ZNF804B: variants seen among roughly 807,000 people sequenced by gnomAD.
ZNF804B encodes zinc finger protein 804B.
Under a neutral mutation model 101.4 loss-of-function variants are expected in ZNF804B, and 80 were observed. The observed-to-expected ratio is 0.79, with a 90% CI of 0.66 to 0.95. The LOEUF is 0.95. Among genes scored for constraint, ZNF804B ranks in the 40% least tolerant of loss-of-function variants. The pLI is 0.00. For missense variants in ZNF804B, 1,673 were observed against 1,561.9 expected, an observed-to-expected ratio of 1.07 and a Z score of -1.20; for synonymous variants, 622 against 558.8, an observed-to-expected ratio of 1.11 and a Z score of -1.59.
chr7:88,885,760 G>A (rs1222690006), intron 1 of ZNF804B, among the ~76,000 whole-genome samples: 1 of 151,020 alleles, frequency 6.6e-6, no homozygotes, highest in Admixed American at 6.6e-5. Flanking sequence ...TTGTGAAATC[G>A]ATAAAATATA....
rs141009045 is a variant in ZNF804B, at chr7:89,256,507, T to C, written c.249+38212T>C. ...CTGCAGTGAGCTGTGTTTGGGCCGCTGTATGCCAGCCTAGGCAACAGAGCA... is the reference window on the plus strand; with the variant it reads ...CTGCAGTGAGCTGTGTTTGGGCCGCCGTATGCCAGCCTAGGCAACAGAGCA... On this transcript the variant is annotated intron_variant, in intron 2 of 3. Coordinates refer to ENST00000333190, the MANE Select transcript of ZNF804B (RefSeq NM_181646.5). 1.3e-3 allele frequency among the ~76,000 whole-genome samples: 199 copies of C among 149,198 alleles called. 2 individuals carry two copies. The highest frequency in any genetic ancestry group is 4.9e-3 in the African/African-American group (197 of 40,180).
At chr7:89,243,181 C>CA (rs1268615663) in intron 2 of ZNF804B, among the ~76,000 whole-genome samples, 3 of 151,296 alleles carry the variant, frequency 2.0e-5, no homozygotes, top group East Asian at 1.9e-4. Flanking sequence ...CTTGATACTG[C>CA]AAAAAAATGG....
At chr7:88,817,712 G>A (rs1348196552) in intron 1 of ZNF804B, among the ~76,000 whole-genome samples, 2 of 151,948 alleles carry the variant, frequency 1.3e-5, no homozygotes, top group Non-Finnish European at 1.5e-5. Flanking sequence ...CAATATTATG[G>A]TACATTTTGT....
intron 2 of ZNF804B, among the ~76,000 whole-genome samples, chr7:89,259,012 T>C (rs1386541817): frequency 7.9e-5 from 12 of 152,136 alleles, no homozygotes; most frequent in Admixed American, 7.9e-4. Context: ...TAAAAAAATG[T>C]TTCTACAGTT....
At chr7:88,955,329 T>C (rs971516021) in intron 1 of ZNF804B, among the ~76,000 whole-genome samples, 6 of 151,530 alleles carry the variant, frequency 4.0e-5, no homozygotes, top group African/African-American at 1.5e-4. Context: ...AAAAGTATTA[T>C]TTTATCTACA....
chr7:88,889,457 C>G (rs1368866860), intron 1 of ZNF804B, among the ~76,000 whole-genome samples: 5 of 152,110 alleles, frequency 3.3e-5, no homozygotes, highest in Non-Finnish European at 4.4e-5. Context: ...TATTTTTTGA[C>G]TTTTTAATAA....
At chr7:89,048,688 G>A (rs1789152496) in intron 1 of ZNF804B, among the ~76,000 whole-genome samples, 1 of 151,938 alleles carries the variant, frequency 6.6e-6, no homozygotes, top group South Asian at 2.1e-4. Context: ...AAGAAATTAT[G>A]TAAAGATTAT....
chr7:89,135,893 G>A (rs1427939226), intron 1 of ZNF804B, among the ~76,000 whole-genome samples: 2 of 152,026 alleles, frequency 1.3e-5, no homozygotes, highest in Non-Finnish European at 1.5e-5. Flanking sequence ...AAACACATTT[G>A]AGACTGGTTA....
rs148901801 is a variant in ZNF804B at position 88,760,007 on chromosome 7, C to T, written c.31C>T (p.His11Tyr). MACYLVISSR[H>Y]LSNGHYRGIK... ...TTGTTACCTGGTCATCAGTTCGAGA[C>T]ATCTCAGCAATGGGCACTACCGGGG... Residue 11 changes from histidine to tyrosine, a missense_variant, in exon 1 of 4, where the codon CAT (histidine) becomes TAT (tyrosine). By Grantham distance (83) the His-to-Tyr change is moderately conservative. Transcript: ENST00000333190. 3.5e-5 allele frequency: 57 copies of T among 1,614,092 alleles called. No homozygotes were observed. Among genetic ancestry groups the T allele is most frequent in the Non-Finnish European group, 4.7e-5 (55 of 1,180,040 alleles).
At chr7:89,077,872 T>C (rs898324498) in intron 1 of ZNF804B, among the ~76,000 whole-genome samples, 8 of 152,222 alleles carry the variant, frequency 5.3e-5, no homozygotes, top group African/African-American at 1.9e-4. Flanking sequence ...TAAAAGTATT[T>C]CCAGAAAAAC....
At chr7:89,239,075 T>C (rs1040873162) in intron 2 of ZNF804B, among the ~76,000 whole-genome samples, 2 of 152,170 alleles carry the variant, frequency 1.3e-5, no homozygotes, top group South Asian at 2.1e-4. Flanking sequence ...ATAGCTATTG[T>C]CATTTGGGTT....
chr7:88,827,995 T>C (rs188808334), intron 1 of ZNF804B, among the ~76,000 whole-genome samples: 40 of 152,224 alleles, frequency 2.6e-4, no homozygotes, highest in African/African-American at 9.4e-4. Context: ...TTTTCCAAGC[T>C]CTTTTTTCTT....
chr7:89,247,964 G>C (rs1789476923), intron 2 of ZNF804B, among the ~76,000 whole-genome samples: 1 of 152,180 alleles, frequency 6.6e-6, no homozygotes, highest in Non-Finnish European at 1.5e-5. Context: ...ACAATGGAAA[G>C]CTTTATCAAT....
intron 1 of ZNF804B, among the ~76,000 whole-genome samples, chr7:88,929,955 C>A (rs886209176): frequency 6.6e-6 from 1 of 151,674 alleles, no homozygotes; most frequent in Non-Finnish European, 1.5e-5. Context: ...AAAAATGTAT[C>A]TTAAAAATTT....
chr7:89,048,432 A>G lies in ZNF804B; in HGVS notation c.109-169723A>G, dbSNP rs778001303. 1.6e-4 allele frequency among the ~76,000 whole-genome samples: 24 copies of G among 151,994 alleles called. 1 individual carries two copies. The highest frequency in any genetic ancestry group is 2.9e-4 in the Non-Finnish European group (20 of 68,004). ...TATAATGAGGGGTCTGTAACCTCCTATCTAGTCCTGACAGGCAACTCAGCT... is the reference window on the plus strand; with the variant it reads ...TATAATGAGGGGTCTGTAACCTCCTGTCTAGTCCTGACAGGCAACTCAGCT... On this transcript the variant is annotated intron_variant, in intron 1 of 3. Coordinates refer to ENST00000333190, the MANE Select transcript of ZNF804B (RefSeq NM_181646.5).
chr7:88,917,648 A>C (rs964713726), intron 1 of ZNF804B, among the ~76,000 whole-genome samples: 1 of 152,180 alleles, frequency 6.6e-6, no homozygotes, highest in African/African-American at 2.4e-5. Flanking sequence ...AGTGATTATA[A>C]GACATTTTTC....
intron 2 of ZNF804B, among the ~76,000 whole-genome samples, chr7:89,228,724 G>A (rs1191347336): frequency 6.6e-6 from 1 of 152,202 alleles, no homozygotes; most frequent in African/African-American, 2.4e-5. Context: ...TCCCACACCG[G>A]GGTGCAGGTG....
chr7:88,948,306 A>ATTTTT (rs68069374), intron 1 of ZNF804B, among the ~76,000 whole-genome samples: 12 of 92,714 alleles, frequency 1.3e-4, no homozygotes, highest in Non-Finnish European at 2.2e-4. Context: ...CCACCCATCC[A>ATTTTT]TTTTTTTTTT....
At position 89,206,858 on chromosome 7, in the gene ZNF804B, G is replaced by T. The variant is rs112919776; in HGVS notation, c.109-11297G>T. Among the ~76,000 whole-genome samples the T allele has an allele frequency of 2.4e-3, 373 of 152,290 alleles. 3 individuals carry two copies. The highest frequency in any genetic ancestry group is 8.7e-3 in the African/African-American group (361 of 41,568). ...TGCTTAGAAATTTCTTCTGCCAGAT[G>T]CCCTAAATCATCTCTCTCAAGTTCA... On this transcript the variant is annotated intron_variant, in intron 1 of 3. Coordinates refer to ENST00000333190, the MANE Select transcript of ZNF804B (RefSeq NM_181646.5).
Sources: allele counts gnomAD v4.1 joint callset (sites outside exome capture counted in the v4.1 genomes callset), GRCh38; gene constraint gnomAD v4.1.1; transcripts MANE v1.5; gene names NCBI Gene and HGNC (gene_info 2026-07-23, HGNC 2026-07-21).